Variants in EXT1 observed in about 807,000 individuals in gnomAD.
EXT1 encodes the protein exostosin-1.
In EXT1, 20 loss-of-function variants were observed where a neutral mutation model predicts 82.5. That is an observed-to-expected ratio of 0.24 (90% CI 0.17 to 0.35). EXT1 has a LOEUF of 0.35. Ranked by LOEUF, EXT1 falls within the 10% of genes least tolerant of loss-of-function variation. The probability of loss-of-function intolerance (pLI) is 1.00; values close to 1 mark genes in which losing one functional copy is unlikely to be tolerated. For synonymous variants in EXT1, 348 were observed against 350.8 expected, an observed-to-expected ratio of 0.99 and a Z score of 0.09; for missense variants, 757 against 936.5, an observed-to-expected ratio of 0.81 and a Z score of 2.50.
chr8:118,052,483 C>T (rs1816732953), intron 1 of EXT1, among the ~76,000 whole-genome samples: 1 of 152,086 alleles, frequency 6.6e-6, no homozygotes. Flanking sequence ...ACAAGAATGC[C>T]AAATGAACCT....
intron 1 of EXT1, among the ~76,000 whole-genome samples, chr8:117,926,634 A>G (rs1813957320): frequency 6.6e-6 from 1 of 152,210 alleles, no homozygotes; most frequent in South Asian, 2.1e-4. Context: ...CTTCTAGGAA[A>G]CTGGAAGGAG....
At chr8:117,948,398 A>C (rs1308414909) in intron 1 of EXT1, among the ~76,000 whole-genome samples, 1 of 152,066 alleles carries the variant, frequency 6.6e-6, no homozygotes, top group African/African-American at 2.4e-5. Flanking sequence ...ACAGAGAACA[A>C]GGTCAACAAA....
chr8:118,041,378 T>C (rs188768572), intron 1 of EXT1, among the ~76,000 whole-genome samples: 3 of 152,270 alleles, frequency 2.0e-5, no homozygotes, highest in Non-Finnish European at 4.4e-5. Flanking sequence ...ATCCAGCACC[T>C]AGTAAGTGCC....
At chr8:118,086,685 CATA>C (rs1817424682) in intron 1 of EXT1, among the ~76,000 whole-genome samples, 1 of 151,990 alleles carries the variant, frequency 6.6e-6, no homozygotes, top group South Asian at 2.1e-4. Flanking sequence ...AGCTTGCATT[CATA>C]ATAATATGAA....
At chr8:117,811,683 G>C (rs576238025) in intron 8 of EXT1, among the ~76,000 whole-genome samples, 8 of 150,378 alleles carry the variant, frequency 5.3e-5, no homozygotes, top group African/African-American at 2.0e-4. Context: ...ATGGTACGAT[G>C]TCCGCTCACT....
At chr8:117,951,008 A>T (rs1012458966) in intron 1 of EXT1, among the ~76,000 whole-genome samples, 1 of 152,242 alleles carries the variant, frequency 6.6e-6, no homozygotes, top group African/African-American at 2.4e-5. Flanking sequence ...CAAATAAGAT[A>T]AGGATTAAAT....
At chr8:117,831,158 A>G (rs1438788643) in intron 3 of EXT1, among the ~76,000 whole-genome samples, 6 of 152,220 alleles carry the variant, frequency 3.9e-5, no homozygotes, top group Non-Finnish European at 8.8e-5. Flanking sequence ...GGTCAGGCAC[A>G]GGGGCACAGA....
intron 1 of EXT1, among the ~76,000 whole-genome samples, chr8:118,096,309 A>C (rs1817609949): frequency 6.6e-6 from 1 of 152,182 alleles, no homozygotes; most frequent in African/African-American, 2.4e-5. Context: ...TATATCAAAC[A>C]CAATAGTAAA....
chr8:117,906,602 G>A (rs1279531451), intron 1 of EXT1, among the ~76,000 whole-genome samples: 1 of 152,130 alleles, frequency 6.6e-6, no homozygotes, highest in Non-Finnish European at 1.5e-5. Flanking sequence ...CACATGCAAT[G>A]TTTCCTACGA....
At chr8:117,857,894 T>C (rs909009601) in intron 1 of EXT1, among the ~76,000 whole-genome samples, 2 of 152,096 alleles carry the variant, frequency 1.3e-5, no homozygotes, top group African/African-American at 4.8e-5. Flanking sequence ...GGTCAAAATA[T>C]CAACATTAAC....
At chr8:117,809,660 G>T (rs1823292233) in intron 8 of EXT1, among the ~76,000 whole-genome samples, 1 of 151,936 alleles carries the variant, frequency 6.6e-6, no homozygotes, top group African/African-American at 2.4e-5. Flanking sequence ...ATCCAGAGCG[G>T]GGAAAAAACC....
chr8:117,866,289 T>C (rs1359696561), intron 1 of EXT1, among the ~76,000 whole-genome samples: 1 of 152,186 alleles, frequency 6.6e-6, no homozygotes, highest in African/African-American at 2.4e-5. Flanking sequence ...CAAAATATAA[T>C]TTTCAATTAA....
chr8:118,091,789 C>CTA (rs1327282655), intron 1 of EXT1, among the ~76,000 whole-genome samples: 6 of 151,850 alleles, frequency 4.0e-5, no homozygotes, highest in South Asian at 4.2e-4. Context: ...CTCTCTCTCT[C>CTA]TATATATATA....
intron 1 of EXT1, among the ~76,000 whole-genome samples, chr8:117,901,139 G>A (rs1813440238): frequency 1.3e-5 from 2 of 152,144 alleles, no homozygotes; most frequent in Non-Finnish European, 2.9e-5. Flanking sequence ...TTAACAATGG[G>A]GTTACGTTCT....
intron 1 of EXT1, among the ~76,000 whole-genome samples, chr8:117,953,818 G>A (rs970538566): frequency 6.6e-6 from 1 of 152,014 alleles, no homozygotes; most frequent in African/African-American, 2.4e-5. Flanking sequence ...GCTGAGGCAG[G>A]AGAATCACAT....
At chr8:118,100,510 G>A (rs1817699129) in intron 1 of EXT1, among the ~76,000 whole-genome samples, 2 of 152,160 alleles carry the variant, frequency 1.3e-5, no homozygotes, top group South Asian at 4.1e-4. Flanking sequence ...AGCACTTTGG[G>A]AGGCCGAGGC....
chr8:117,849,907 A>G (rs910176295), intron 1 of EXT1, among the ~76,000 whole-genome samples: 1 of 152,192 alleles, frequency 6.6e-6, no homozygotes, highest in African/African-American at 2.4e-5. Context: ...CCCAAAATCC[A>G]TCTACTGCTT....
chr8:117,845,049 A>C (rs1812331259), intron 1 of EXT1, among the ~76,000 whole-genome samples: 1 of 152,188 alleles, frequency 6.6e-6, no homozygotes, highest in Non-Finnish European at 1.5e-5. Flanking sequence ...AACCAGGGCC[A>C]GGAATTTATA....
chr8:118,035,847 T>A (rs1386834989), intron 1 of EXT1, among the ~76,000 whole-genome samples: 1 of 152,256 alleles, frequency 6.6e-6, no homozygotes, highest in East Asian at 1.9e-4. Flanking sequence ...ATAGCTCCTT[T>A]ATGAGTTGTC....
Sources: allele counts gnomAD v4.1 joint callset (sites outside exome capture counted in the v4.1 genomes callset), GRCh38; gene constraint gnomAD v4.1.1; transcripts MANE v1.5; gene names NCBI Gene and HGNC (gene_info 2026-07-23, HGNC 2026-07-21).